Variants in NAALADL2 observed in about 807,000 individuals in gnomAD.
NAALADL2 encodes the protein N-acetylated alpha-linked acidic dipeptidase like 2.
NAALADL2 carries 76 observed loss-of-function variants against 87.2 expected under a neutral mutation model. That is an observed-to-expected ratio of 0.87 (90% CI 0.72 to 1.05). The LOEUF is 1.05. NAALADL2 is among the 50% of genes least tolerant of loss of function. NAALADL2 has a pLI of 0.00. For synonymous variants in NAALADL2, 354 were observed against 331.0 expected, an observed-to-expected ratio of 1.07 and a Z score of -0.75; for missense variants, 1,089 against 945.8, an observed-to-expected ratio of 1.15 and a Z score of -1.99.
intron 4 of NAALADL2, among the ~76,000 whole-genome samples, chr3:175,282,142 T>C (rs976563753): frequency 6.6e-6 from 1 of 152,060 alleles, no homozygotes; most frequent in Non-Finnish European, 1.5e-5. Context: ...TTTAATGTTT[T>C]ACAAATGAAT....
At chr3:175,374,311 T>C (rs1766848414) in intron 5 of NAALADL2, among the ~76,000 whole-genome samples, 4 of 151,808 alleles carry the variant, frequency 2.6e-5, no homozygotes, top group Admixed American at 2.6e-4. Context: ...CTCAGCACTT[T>C]GGGAGGCCGA....
At chr3:174,906,900 C>T (rs1234318612) in intron 1 of NAALADL2, among the ~76,000 whole-genome samples, 1 of 152,072 alleles carries the variant, frequency 6.6e-6, no homozygotes, top group Non-Finnish European at 1.5e-5. Flanking sequence ...CAAAATTTTT[C>T]TTATGTGATC....
intron 5 of NAALADL2, among the ~76,000 whole-genome samples, chr3:175,369,386 T>C (rs1766145626): frequency 6.6e-6 from 1 of 151,922 alleles, no homozygotes; most frequent in Admixed American, 6.6e-5. Context: ...GATATGTGCA[T>C]GTATACATAT....
At chr3:175,185,357 A>G (rs1292853829) in intron 2 of NAALADL2, among the ~76,000 whole-genome samples, 2 of 152,080 alleles carry the variant, frequency 1.3e-5, no homozygotes, top group Non-Finnish European at 2.9e-5. Flanking sequence ...TTAACAGTGT[A>G]GTTTATAAAA....
chr3:175,516,333 G>A (rs1731827875), intron 9 of NAALADL2, among the ~76,000 whole-genome samples: 1 of 152,160 alleles, frequency 6.6e-6, no homozygotes, highest in African/African-American at 2.4e-5. Flanking sequence ...GCTTACATAG[G>A]CAAGGAGAAG....
intron 10 of NAALADL2, among the ~76,000 whole-genome samples, chr3:175,611,165 A>G (rs7648032): frequency 0.68 from 103,921 of 151,884 alleles, 36,505 homozygotes; most frequent in East Asian, 0.85. Flanking sequence ...TGCTTATTCT[A>G]TTAAATCACA....
intron 11 of NAALADL2, among the ~76,000 whole-genome samples, chr3:175,631,705 A>G (rs1403886191): frequency 6.6e-6 from 1 of 151,942 alleles, no homozygotes; most frequent in Admixed American, 6.6e-5. Context: ...TAATTCCTTC[A>G]TTGACTAAAC....
At chr3:174,511,001 A>G (rs878889280) in intron 1 of NAALADL2, among the ~76,000 whole-genome samples, 10 of 151,944 alleles carry the variant, frequency 6.6e-5, no homozygotes, top group Admixed American at 5.2e-4. Flanking sequence ...GGGATTTTCC[A>G]TATATATTTC....
chr3:174,787,620 T>TATACAC (rs1489900205), intron 3 of NAALADL2, among the ~76,000 whole-genome samples: 16 of 117,466 alleles, frequency 1.4e-4, no homozygotes, highest in South Asian at 5.4e-4. Flanking sequence ...TATATATATA[T>TATACAC]AGTAGTGACT....
intron 4 of NAALADL2, among the ~76,000 whole-genome samples, chr3:175,290,314 T>G (rs1427132372): frequency 6.6e-6 from 1 of 152,156 alleles, no homozygotes; most frequent in East Asian, 1.9e-4. Context: ...ATTCATACAA[T>G]GGAATGTGAA....
chr3:175,679,312 G>A (rs918922015), intron 11 of NAALADL2, among the ~76,000 whole-genome samples: 1 of 151,114 alleles, frequency 6.6e-6, no homozygotes, highest in Non-Finnish European at 1.5e-5. Context: ...TATGCTAAAT[G>A]TCTGTTACTA....
At chr3:174,688,154 G>T (rs1728220823) in intron 2 of NAALADL2, among the ~76,000 whole-genome samples, 1 of 152,122 alleles carries the variant, frequency 6.6e-6, no homozygotes, top group Admixed American at 6.6e-5. Flanking sequence ...GTATTAGCCA[G>T]TCCCTGCCAC....
At chr3:174,611,111 A>G (rs1350504949) in intron 2 of NAALADL2, among the ~76,000 whole-genome samples, 1 of 146,498 alleles carries the variant, frequency 6.8e-6, no homozygotes, top group Non-Finnish European at 1.5e-5. Flanking sequence ...TGGGAAATGA[A>G]CAGTGAGAAC....
chr3:174,591,651 A>G (rs546543867), intron 2 of NAALADL2, among the ~76,000 whole-genome samples: 2 of 152,196 alleles, frequency 1.3e-5, no homozygotes, highest in African/African-American at 4.8e-5. Flanking sequence ...AATTTTTGAT[A>G]CTATCTAAAG....
intron 7 of NAALADL2, among the ~76,000 whole-genome samples, chr3:175,463,858 T>C (rs758896043): frequency 1.2e-4 from 19 of 152,178 alleles, no homozygotes; most frequent in Non-Finnish European, 1.0e-4. Context: ...CTGAAAATTT[T>C]ATTTTGATCA....
At chr3:175,363,076 T>G (rs149360294) in intron 5 of NAALADL2, among the ~76,000 whole-genome samples, 2,627 of 147,682 alleles carry the variant, frequency 0.018, 225 homozygotes, top group African/African-American at 0.06. Context: ...TCTTGTTGTA[T>G]TCTCTTATCT....
At chr3:175,776,528 A>G (rs1750269915) in intron 13 of NAALADL2, among the ~76,000 whole-genome samples, 1 of 152,164 alleles carries the variant, frequency 6.6e-6, no homozygotes, top group Admixed American at 6.6e-5. Flanking sequence ...AATACAACTT[A>G]AAATCTGTCT....
At chr3:175,729,339 A>G (rs1178127586) in intron 11 of NAALADL2, among the ~76,000 whole-genome samples, 1 of 152,244 alleles carries the variant, frequency 6.6e-6, no homozygotes, top group African/African-American at 2.4e-5. Flanking sequence ...ACTATTTGTC[A>G]TGGTGTCTTA....
At chr3:174,973,530 T>C (rs991797511) in intron 1 of NAALADL2, among the ~76,000 whole-genome samples, 3 of 152,200 alleles carry the variant, frequency 2.0e-5, no homozygotes, top group Non-Finnish European at 2.9e-5. Flanking sequence ...GTTTATTTCA[T>C]TGTATTTATA....
Sources: allele counts gnomAD v4.1 joint callset (sites outside exome capture counted in the v4.1 genomes callset), GRCh38; gene constraint gnomAD v4.1.1; transcripts MANE v1.5; gene names NCBI Gene and HGNC (gene_info 2026-07-23, HGNC 2026-07-21).